The following FADS2 variants were observed in gnomAD, a reference collection of about 807,000 sequenced individuals.
FADS2 encodes acyl-CoA 6-desaturase.
A neutral mutation model predicts 61.2 loss-of-function variants in FADS2; 18 were observed. The ratio of observed to expected loss-of-function variants is 0.29; its 90% confidence interval spans 0.20 to 0.44. FADS2 has a LOEUF of 0.44. Ranked by LOEUF, FADS2 falls within the 20% of genes least tolerant of loss-of-function variation. FADS2 has a pLI of 1.00. For missense variants in FADS2, 322 were observed against 572.7 expected (o/e 0.56, Z 4.47); for synonymous variants, 203 against 223.9 (o/e 0.91, Z 0.83).
At chr11:61,832,514 A>G (rs1219399966) in intron 1 of FADS2, among the ~76,000 whole-genome samples, 1 of 152,148 alleles carries the variant, frequency 6.6e-6, no homozygotes, top group Admixed American at 6.5e-5. Context: ...TTGCCTTTGT[A>G]GGGGCCTGTC....
At chr11:61,824,361 G>T (rs909226617), upstream of FADS2, among the ~76,000 whole-genome samples, 1 of 145,412 alleles carries the variant, frequency 6.9e-6, no homozygotes, top group Non-Finnish European at 1.5e-5. Flanking sequence ...CAGCCTGGGG[G>T]ATAGAGTGAG....
At chr11:61,863,234 G>T in intron 8 of FADS2, 48 bp from the exon 9 acceptor site, 2 of 1,526,328 alleles carry the variant, frequency 1.3e-6, no homozygotes. Flanking sequence ...TGTTCCCACT[G>T]TGGCTGGGCC....
At chr11:61,854,395 A>T (rs1464507962) in intron 5 of FADS2, 1 of 152,292 alleles carries the variant, frequency 6.6e-6, no homozygotes, top group Non-Finnish European at 1.5e-5. Context: ...TCATGGATGG[A>T]ACAGCTAAGG....
Position 61,865,126 on chromosome 11 carries a change from C to T in FADS2, c.1158-26C>T, listed in dbSNP as rs371096894. The T allele has an allele frequency of 6.2e-7, 1 of 1,605,110 alleles. No individual in the cohort carries two copies. On this transcript the variant is annotated intron_variant, in intron 10 of 11. Coordinates refer to ENST00000278840, the MANE Select transcript of FADS2 (RefSeq NM_004265.4). This position sits in a 1 kb window ranked among gnomAD's most constrained non-coding sequence, Gnocchi z 4.1. ...CAGCATGGCCCTCTGAGTCCTCACG[C>T]TCTGCCCACCCTACACACTCCTCAG... is the stretch of plus-strand genomic sequence containing the variant.
chr11:61,837,628 T>TGGA, intron 1 of FADS2, 150 bp from the exon 2 acceptor site: 2 of 620,128 alleles, frequency 3.2e-6, no homozygotes, highest in Non-Finnish European at 5.8e-6. Context: ...GGAAAAATGC[T>TGGA]GGAGACGGCA....
At chr11:61,846,183 G>A (rs1279586830) in intron 4 of FADS2, among the ~76,000 whole-genome samples, 1 of 144,220 alleles carries the variant, frequency 6.9e-6, no homozygotes, top group Non-Finnish European at 1.5e-5. Context: ...TCAGGCTAAA[G>A]TGAAGTTGGT....
upstream of FADS2, among the ~76,000 whole-genome samples, chr11:61,827,142 C>T (rs1021370569): frequency 1.3e-5 from 2 of 152,202 alleles, no homozygotes; most frequent in African/African-American, 2.4e-5. This position sits in a 1 kb window ranked among gnomAD's most constrained non-coding sequence, Gnocchi z 4.5. Context: ...CCCCAGGACG[C>T]CCGGCACTAA....
At chr11:61,824,092 A>C (rs1417705452), upstream of FADS2, among the ~76,000 whole-genome samples, 12 of 152,004 alleles carry the variant, frequency 7.9e-5, no homozygotes, top group Non-Finnish European at 1.5e-5. Flanking sequence ...GTTAGAAATC[A>C]CTATCTCCGC....
At chr11:61,830,531 T>A (rs1199691330) in intron 1 of FADS2, among the ~76,000 whole-genome samples, 1 of 152,238 alleles carries the variant, frequency 6.6e-6, no homozygotes, top group Non-Finnish European at 1.5e-5. Context: ...CTTTTCTCTG[T>A]CTCATAAAAA....
At chr11:61,825,674 C>T (rs143281992), upstream of FADS2, among the ~76,000 whole-genome samples, 379 of 150,012 alleles carry the variant, frequency 2.5e-3, 1 homozygote, top group African/African-American at 8.7e-3. Context: ...AGGTGGATCA[C>T]GAGGTCAGGA....
rs781576007 is a variant in FADS2 at position 61,840,317 on chromosome 11, G to C, written c.319-17G>C. On this transcript the variant is annotated splice_polypyrimidine_tract_variant and intron_variant, in intron 2 of 11. Transcript: ENST00000278840. ...TGGCTGGTGGCTGACTCCTTTCCCT[G>C]TGCTCTTGGTCAACAGTCAAAGATC... 4 of 1,611,034 alleles carry C rather than the reference G, an allele frequency of 2.5e-6. No individual in the cohort carries two copies. Among genetic ancestry groups the C allele is most frequent in the Admixed American group, 3.3e-5 (2 of 59,990 alleles).
upstream of FADS2, among the ~76,000 whole-genome samples, chr11:61,824,433 A>C: frequency 1.6e-4 from 1 of 6,228 alleles, no homozygotes; most frequent in Non-Finnish European, 3.2e-4. Context: ...AGAGAGAGAG[A>C]GGGAGGGAGG....
chr11:61,838,092 C>T (rs750670888), intron 2 of FADS2, among the ~76,000 whole-genome samples: 10 of 152,122 alleles, frequency 6.6e-5, no homozygotes, highest in Admixed American at 2.6e-4. Context: ...CAACTAGTGG[C>T]GTCTCCTCTC....
rs80066302 is a variant in FADS2 at position 61,866,086 on chromosome 11, G to A, written c.*397G>A. ...AGCCTGGTCACTAGGCATCACCCCC[G>A]CTTTGGTTCTTCAGATGCTCTTGGG... is the stretch of plus-strand genomic sequence containing the variant. On this transcript the variant is annotated 3_prime_UTR_variant, in exon 12 of 12. Transcript: ENST00000278840. 5.5e-3 allele frequency: 2,209 copies of A among 404,762 alleles called. 42 individuals are homozygous for A. The highest frequency in any genetic ancestry group is 0.038 in the African/African-American group (1,874 of 49,034). 25.1% of individuals were successfully genotyped at this position (404,762 alleles called of 1,614,324 possible). A position where few individuals can be genotyped will look rare whatever the true frequency, so the allele number is the denominator to read the frequency against.
intron 7 of FADS2, chr11:61,862,124 T>C (rs898555516): frequency 1.3e-5 from 2 of 151,170 alleles, no homozygotes; most frequent in African/African-American, 4.9e-5. Flanking sequence ...GGGGAGGGAG[T>C]AAGCTAGGTC....
At chr11:61,847,818 C>T (rs908069934) in intron 4 of FADS2, 6 of 317,292 alleles carry the variant, frequency 1.9e-5, no homozygotes, top group Admixed American at 4.1e-5. Flanking sequence ...TTACCTTGCA[C>T]AGCTCTGGTT....
At chr11:61,834,935 AACCCTGGGCTCCTCCCTGCCCGC>A (rs1346361617) in intron 1 of FADS2, among the ~76,000 whole-genome samples, 6 of 151,040 alleles carry the variant, frequency 4.0e-5, no homozygotes, top group Admixed American at 2.0e-4. Flanking sequence ...TCACCACTGC[AACCCTGGGCTCCTCCCTGCCCGC>A]ACCCTGGGCC....
At chr11:61,864,412 G>A (rs2067444367) in intron 10 of FADS2, among the ~76,000 whole-genome samples, 1 of 149,982 alleles carries the variant, frequency 6.7e-6, no homozygotes, top group African/African-American at 2.5e-5. Flanking sequence ...TATTTATTTT[G>A]AGACAGAATC....
chr11:61,851,264 G>A (rs2067304573), intron 5 of FADS2, among the ~76,000 whole-genome samples: 1 of 152,182 alleles, frequency 6.6e-6, no homozygotes. Context: ...AGAAAGTCTA[G>A]TCCCACCAGC....
Sources: allele counts gnomAD v4.1 joint callset (sites outside exome capture counted in the v4.1 genomes callset), GRCh38; gene constraint gnomAD v4.1.1; non-coding constraint Gnocchi (gnomAD v3.1); transcripts MANE v1.5; gene names NCBI Gene and HGNC (gene_info 2026-07-23, HGNC 2026-07-21).